The following SMAD5 variants were observed in gnomAD, a reference collection of about 807,000 sequenced individuals.
The protein encoded by SMAD5 is SMAD family member 5.
A neutral mutation model predicts 43.1 loss-of-function variants in SMAD5; 9 were observed. That is an observed-to-expected ratio of 0.21 (90% confidence interval 0.13 to 0.36). The LOEUF (loss-of-function observed/expected upper bound fraction) is 0.36. Among genes scored for constraint, SMAD5 ranks in the 10% least tolerant of loss-of-function variants. SMAD5 has a pLI of 1.00. For missense variants in SMAD5, 348 were observed against 574.0 expected (o/e 0.61, Z 4.02); for synonymous variants, 190 against 192.4 (o/e 0.99, Z 0.10).
chr5:136,147,097 TAA>T (rs1753283888), intron 1 of SMAD5, among the ~76,000 whole-genome samples: 2 of 151,806 alleles, frequency 1.3e-5, no homozygotes, highest in South Asian at 4.1e-4. Context: ...AAATATTTTT[TAA>T]AAAGTGGTAC....
At chr5:136,172,864 T>C in intron 6 of SMAD5, 1 of 552,150 alleles carries the variant, frequency 1.8e-6, no homozygotes, top group Middle Eastern at 5.0e-4. Context: ...TTCCCAGTGC[T>C]AAGGATCTGA....
chr5:136,157,806 AAG>A (rs1204250147), intron 3 of SMAD5, among the ~76,000 whole-genome samples: 2 of 152,112 alleles, frequency 1.3e-5, no homozygotes, highest in African/African-American at 4.8e-5. Flanking sequence ...CCTGGTTCAT[AAG>A]AGAGCATGAA....
At chr5:136,170,289 A>T (rs1029052423) in intron 5 of SMAD5, among the ~76,000 whole-genome samples, 1 of 152,052 alleles carries the variant, frequency 6.6e-6, no homozygotes, top group Non-Finnish European at 1.5e-5. Context: ...GTCTAGATTT[A>T]CTTTTTTGAT....
intron 3 of SMAD5, among the ~76,000 whole-genome samples, chr5:136,158,749 A>G (rs1753726597): frequency 6.6e-6 from 1 of 152,156 alleles, no homozygotes; most frequent in African/African-American, 2.4e-5. Flanking sequence ...AATACAAAAA[A>G]TTAGCCAGGC....
At chr5:136,133,026 G>A (rs1328191498) in intron 1 of SMAD5, 64 bp downstream of exon 1, 5 of 152,456 alleles carry the variant, frequency 3.3e-5, no homozygotes, top group Non-Finnish European at 7.3e-5. Flanking sequence ...CTGCCCCGGC[G>A]GACTCGGGCC....
At chr5:136,177,075 A>C (rs1180637260) in intron 7 of SMAD5, among the ~76,000 whole-genome samples, 1 of 152,204 alleles carries the variant, frequency 6.6e-6, no homozygotes, top group Non-Finnish European at 1.5e-5. Flanking sequence ...AGATTAAAAA[A>C]AATTATGAAC....
chr5:136,174,025 C>T (rs1397791341), intron 6 of SMAD5, among the ~76,000 whole-genome samples: 1 of 150,582 alleles, frequency 6.6e-6, no homozygotes, highest in Non-Finnish European at 1.5e-5. Context: ...TAGTTGATAG[C>T]ACTGAGGATT....
chr5:136,161,428 A>G (rs1324378462), intron 4 of SMAD5, among the ~76,000 whole-genome samples: 1 of 152,238 alleles, frequency 6.6e-6, no homozygotes, highest in Non-Finnish European at 1.5e-5. Flanking sequence ...CAGAATGACT[A>G]TGTGAGATAG....
At chr5:136,158,803 G>T (rs1753729049) in intron 3 of SMAD5, among the ~76,000 whole-genome samples, 1 of 152,124 alleles carries the variant, frequency 6.6e-6, no homozygotes, top group South Asian at 2.1e-4. Flanking sequence ...GGAGGCTGAG[G>T]CAGGAGAATG....
intron 1 of SMAD5, among the ~76,000 whole-genome samples, chr5:136,144,583 T>C (rs1753196802): frequency 6.6e-6 from 1 of 151,004 alleles, no homozygotes; most frequent in Non-Finnish European, 1.5e-5. Context: ...TATTACCTCT[T>C]AATATGTTTA....
intron 5 of SMAD5, among the ~76,000 whole-genome samples, chr5:136,166,861 A>G (rs1754033663): frequency 6.6e-6 from 1 of 152,072 alleles, no homozygotes; most frequent in African/African-American, 2.4e-5. Flanking sequence ...ATAGTGTTAT[A>G]TGTTAGATGT....
chr5:136,158,538 A>G lies in SMAD5; in HGVS notation c.404-2318A>G, dbSNP rs532352557. 2.0e-5 allele frequency among the ~76,000 whole-genome samples: 3 copies of G among 152,334 alleles called. No individual in the cohort carries two copies. The East Asian group carries it at 5.8e-4, about 29-fold the overall frequency. On this transcript the variant is annotated intron_variant, in intron 3 of 7. Coordinates refer to ENST00000545279, the MANE Select transcript of SMAD5 (RefSeq NM_005903.7). Reference sequence around the variant, plus strand: ...AGGAAATGTGATCCAGCAGTAGAGAAGGGAAGTCCAAGGACTTCAGACTTG... The same window carrying G: ...AGGAAATGTGATCCAGCAGTAGAGAGGGGAAGTCCAAGGACTTCAGACTTG...
At chr5:136,173,573 G>T (rs1448203554) in intron 6 of SMAD5, among the ~76,000 whole-genome samples, 1 of 151,774 alleles carries the variant, frequency 6.6e-6, no homozygotes, top group Non-Finnish European at 1.5e-5. Context: ...TCTAGGCATT[G>T]ATTTTTTTTT....
intron 3 of SMAD5, among the ~76,000 whole-genome samples, chr5:136,154,446 A>G (rs1384640672): frequency 6.6e-6 from 1 of 152,112 alleles, no homozygotes; most frequent in African/African-American, 2.4e-5. Flanking sequence ...TTTAAAGCCT[A>G]AGCTCCAAGT....
In SMAD5 at chr5:136,137,270, A is replaced by ACC. The variant is rs61537356; in HGVS notation, c.-245+4316_-245+4317dup. Among the ~76,000 whole-genome samples, 807 of 125,160 alleles carry ACC rather than the reference A, an allele frequency of 6.4e-3. 47 individuals carry two copies. The highest frequency in any genetic ancestry group is 0.028 in the Middle Eastern group (6 of 216). 82.1% of individuals were successfully genotyped at this position (125,160 alleles called of 152,430 possible). On this transcript the variant is annotated intron_variant, in intron 1 of 7. Coordinates refer to ENST00000545279, the MANE Select transcript of SMAD5 (RefSeq NM_005903.7). Reference sequence around the variant, plus strand: ...AGGTTTTGCTCTTGAATTTTTTGGGACCCCCCCCCGCATCTCTTCCTATAG... The same window carrying ACC: ...AGGTTTTGCTCTTGAATTTTTTGGGACCCCCCCCCCCGCATCTCTTCCTATAG...
intron 1 of SMAD5, among the ~76,000 whole-genome samples, chr5:136,140,116 G>A (rs1280346475): frequency 1.3e-5 from 2 of 150,430 alleles, no homozygotes; most frequent in Non-Finnish European, 3.0e-5. Flanking sequence ...TCTGCCTCCC[G>A]GGCTCAAGCA....
At chr5:136,138,777 T>C (rs534960686) in intron 1 of SMAD5, among the ~76,000 whole-genome samples, 72 of 152,340 alleles carry the variant, frequency 4.7e-4, no homozygotes, top group African/African-American at 1.6e-3. Context: ...CCAAGCCTCC[T>C]GCATGGTCCG....
In SMAD5 at chr5:136,156,215, G is replaced by A. The variant is rs1012377957; in HGVS notation, c.403+2052G>A. 2.6e-5 allele frequency among the ~76,000 whole-genome samples: 4 copies of A among 152,294 alleles called. No individual in the cohort carries two copies. The East Asian group carries it at 7.7e-4, about 29-fold the overall frequency. On this transcript the variant is annotated intron_variant, in intron 3 of 7. Transcript: ENST00000545279. ...ATGACAGCTTCTTCAAAGCCAGTAA[G>A]GAAGAGAGGGTCTTCTGGTAAGAAG...
chr5:136,135,304 A>G (rs1752835998), intron 1 of SMAD5, among the ~76,000 whole-genome samples: 1 of 152,216 alleles, frequency 6.6e-6, no homozygotes, highest in Non-Finnish European at 1.5e-5. Context: ...TACCCTCTTC[A>G]CTGGGTTTTA....
Sources: allele counts gnomAD v4.1 joint callset (sites outside exome capture counted in the v4.1 genomes callset), GRCh38; gene constraint gnomAD v4.1.1; transcripts MANE v1.5; gene names NCBI Gene and HGNC (gene_info 2026-07-23, HGNC 2026-07-21).